RAB33A: variants seen among roughly 807,000 people sequenced by gnomAD.
RAB33A encodes ras-related protein Rab-33A.
Under a neutral mutation model 12.0 loss-of-function variants are expected in RAB33A, and 6 were observed. That is an observed-to-expected ratio of 0.50 (90% CI 0.27 to 0.99). RAB33A has a LOEUF of 0.99. Among genes scored for constraint, RAB33A ranks in the 50% least tolerant of loss-of-function variants. The pLI, the probability that RAB33A is intolerant of heterozygous loss-of-function variation, is 0.11. For synonymous variants in RAB33A, 70 were observed against 82.4 expected, an observed-to-expected ratio of 0.85 and a Z score of 0.81; for missense variants, 109 against 192.0, an observed-to-expected ratio of 0.57 and a Z score of 2.55.
chrX:130,128,916 C>G, the RAB33A span, among the ~76,000 whole-genome samples: 1 of 112,351 alleles, frequency 8.9e-6, no homozygotes, highest in East Asian at 2.8e-4. Context: ...TAAACAAAGT[C>G]TATTCCATAC....
the RAB33A span, among the ~76,000 whole-genome samples, chrX:130,121,660 C>T: frequency 1.8e-5 from 2 of 111,504 alleles, no homozygotes; most frequent in African/African-American, 6.5e-5. Context: ...GAGATCTCCG[C>T]GCCCCTGTTC....
At chrX:130,135,439 T>TTTTA in the RAB33A span, among the ~76,000 whole-genome samples, 7 of 72,968 alleles carry the variant, frequency 9.6e-5, no homozygotes, top group African/African-American at 4.1e-4. Context: ...TTTTTTTTTT[T>TTTTA]AAAAAAAAAA....
chrX:130,129,387 T>C, the RAB33A span: 1 of 477,315 alleles, frequency 2.1e-6, no homozygotes, highest in Non-Finnish European at 3.7e-6. Flanking sequence ...TCAGAATTTA[T>C]TTCACTATGT....
chrX:130,178,873 C>T (rs906986139), intron 1 of RAB33A, among the ~76,000 whole-genome samples: 7 of 107,969 alleles, frequency 6.5e-5, no homozygotes, highest in African/African-American at 1.7e-4. Flanking sequence ...AGGATGGTCT[C>T]GATCTCCTGA....
the RAB33A span, among the ~76,000 whole-genome samples, chrX:130,118,849 G>A: frequency 9.0e-6 from 1 of 111,675 alleles, no homozygotes; most frequent in Non-Finnish European, 1.9e-5. Flanking sequence ...CTGTGTGTGT[G>A]TGGGCTCAAG....
the RAB33A span, among the ~76,000 whole-genome samples, chrX:130,117,336 G>A: frequency 2.5e-4 from 28 of 112,834 alleles, no homozygotes; most frequent in African/African-American, 9.0e-4. Context: ...CAGCTCAGGA[G>A]GGCTGGCTGC....
the RAB33A span, among the ~76,000 whole-genome samples, chrX:130,133,629 A>C: frequency 1.4e-5 from 1 of 73,533 alleles, no homozygotes; most frequent in Non-Finnish European, 2.5e-5. Flanking sequence ...AACCCATTTA[A>C]ATTTTTTTTT....
the RAB33A span, chrX:130,165,798 C>T: frequency 1.8e-6 from 1 of 565,833 alleles, no homozygotes; most frequent in South Asian, 2.4e-5. Context: ...TCCGGGTGGG[C>T]ATTGGACAGA....
At chrX:130,114,467 G>A in the RAB33A span, among the ~76,000 whole-genome samples, 1 of 112,597 alleles carries the variant, frequency 8.9e-6, no homozygotes, top group Admixed American at 9.4e-5. Context: ...GCCCAAGCCA[G>A]GTGGGGCCAG....
chrX:130,130,836 C>A, the RAB33A span, among the ~76,000 whole-genome samples: 2 of 112,024 alleles, frequency 1.8e-5, no homozygotes, highest in African/African-American at 6.5e-5. Flanking sequence ...GAAGGGGGCA[C>A]CTTGCTGAGA....
the RAB33A span, among the ~76,000 whole-genome samples, chrX:130,164,165 C>A: frequency 1.0e-5 from 1 of 96,011 alleles, no homozygotes; most frequent in Non-Finnish European, 2.1e-5. Flanking sequence ...GAGACTCCGT[C>A]TCAAAAAAAA....
chrX:130,136,078 A>G, the RAB33A span: 2 of 1,211,545 alleles, frequency 1.7e-6, no homozygotes, highest in Non-Finnish European at 2.2e-6. Flanking sequence ...GTAGCTCTGC[A>G]TTTACCCGGA....
chrX:130,127,361 A>G, the RAB33A span, among the ~76,000 whole-genome samples: 2 of 111,167 alleles, frequency 1.8e-5, no homozygotes, highest in Admixed American at 1.9e-4. Flanking sequence ...CCTCACGGAC[A>G]CCAGGAGGTC....
chrX:130,139,749 ACTT>A, the RAB33A span: 3 of 1,166,197 alleles, frequency 2.6e-6, no homozygotes, highest in Admixed American at 4.4e-5. Context: ...AGATTATACT[ACTT>A]CTTCAAAAAC....
At chrX:130,146,451 A>ATATGTGTGTG in the RAB33A span, among the ~76,000 whole-genome samples, 11 of 89,446 alleles carry the variant, frequency 1.2e-4, no homozygotes, top group African/African-American at 4.6e-4. Context: ...CTCTCAAAAT[A>ATATGTGTGTG]TGTGTGTGTG....
At chrX:130,138,262 G>A in the RAB33A span, among the ~76,000 whole-genome samples, 1 of 110,564 alleles carries the variant, frequency 9.0e-6, no homozygotes, top group Non-Finnish European at 1.9e-5. Context: ...TCAGGAGATC[G>A]AGACAGTCCT....
intron 1 of RAB33A, among the ~76,000 whole-genome samples, chrX:130,183,072 T>C (rs2031748832): frequency 9.4e-6 from 1 of 106,210 alleles, no homozygotes; most frequent in Admixed American, 1.0e-4. Context: ...GCCTGGCTAA[T>C]TTTTTTTGTA....
the RAB33A span, chrX:130,137,451 C>T: frequency 6.0e-6 from 7 of 1,167,321 alleles, no homozygotes; most frequent in East Asian, 2.3e-4. Context: ...ATGCAGTCAC[C>T]TAAGGCTTAC....
chrX:130,174,501 A>G (rs1005502478), intron 1 of RAB33A, among the ~76,000 whole-genome samples: 1 of 112,362 alleles, frequency 8.9e-6, no homozygotes. Context: ...TGATCTAGAT[A>G]AGAGAAGATT....
Sources: gnomAD v4.1 joint callset for allele counts (sites outside exome capture counted in the v4.1 genomes callset) on GRCh38, gnomAD v4.1.1 for gene constraint, MANE v1.5 for transcripts, NCBI Gene and HGNC (gene_info 2026-07-23, HGNC 2026-07-21) for gene names.